The following RPS6KB1 variants were observed in gnomAD, a reference collection of about 807,000 sequenced individuals.
RPS6KB1 encodes the protein ribosomal protein S6 kinase beta-1.
A neutral mutation model predicts 70.2 loss-of-function variants in RPS6KB1; 12 were observed. The ratio of observed to expected loss-of-function variants is 0.17; its 90% CI spans 0.11 to 0.28. RPS6KB1 has a LOEUF of 0.28. Ranked by LOEUF, RPS6KB1 falls within the 10% of genes least tolerant of loss-of-function variation. RPS6KB1 has a pLI of 1.00. For missense variants in RPS6KB1, 270 were observed against 646.6 expected, an observed-to-expected ratio of 0.42 and a Z score of 6.32; for synonymous variants, 175 against 211.2, an observed-to-expected ratio of 0.83 and a Z score of 1.49.
In RPS6KB1 at chr17:59,893,659, CG is replaced by C; in HGVS notation, c.141+339del. 1 of 513,082 alleles carries C rather than the reference CG, an allele frequency of 1.9e-6. No homozygotes were observed. The highest frequency in any genetic ancestry group is 2.7e-6 in the Non-Finnish European group (1 of 367,872). The allele number at this position is 513,082 out of a possible 1,614,324, so 31.8% of individuals were successfully genotyped here. On this transcript the variant is annotated intron_variant, in intron 1 of 14. Transcript: ENST00000225577. The surrounding 1 kb of genome is among the most constrained non-coding windows in gnomAD (Gnocchi z 4.1). ...GTGGCGTGAGCGTGTGTTGGGGAGA[CG>C]GGGGCTGCTCTTGCTGGGTGTCCCG... is the stretch of plus-strand genomic sequence containing the variant.
At chr17:59,941,459 T>G (rs1373239290) in intron 13 of RPS6KB1, among the ~76,000 whole-genome samples, 1 of 152,012 alleles carries the variant, frequency 6.6e-6, no homozygotes, top group Non-Finnish European at 1.5e-5. Flanking sequence ...TGAGTACCTG[T>G]ACCACAGGTG....
chr17:59,936,166 A>AC, intron 10 of RPS6KB1, 49 bp from the exon 11 acceptor site: 2 of 1,542,552 alleles, frequency 1.3e-6, no homozygotes, highest in Non-Finnish European at 8.8e-7. Flanking sequence ...GAAAAAAAAA[A>AC]ATCAGTTTGA....
At chr17:59,897,565 G>A (rs1289445863) in intron 1 of RPS6KB1, among the ~76,000 whole-genome samples, 4 of 152,168 alleles carry the variant, frequency 2.6e-5, no homozygotes, top group Admixed American at 6.6e-5. Flanking sequence ...GTGACTATGC[G>A]TTAGTAAATA....
chr17:59,934,874 C>G lies in RPS6KB1; in HGVS notation c.871-319C>G. The G allele has an allele frequency of 2.7e-6, 1 of 369,968 alleles. No homozygotes were observed. The highest frequency in any genetic ancestry group is 4.9e-6 in the Non-Finnish European group (1 of 203,850). The allele number at this position is 369,968 out of a possible 1,614,324, so 22.9% of individuals were successfully genotyped here. A position where few individuals can be genotyped will look rare whatever the true frequency, so the allele number is the denominator to read the frequency against. ...GCTTCCTTCCAGGACACTGCTACTTCCTCTGTCCTGTTGCTTAAAAACTGC... is the reference window on the plus strand; with the variant it reads ...GCTTCCTTCCAGGACACTGCTACTTGCTCTGTCCTGTTGCTTAAAAACTGC... On this transcript the variant is annotated intron_variant, in intron 9 of 14. Transcript: ENST00000225577. This position sits in a 1 kb window ranked among gnomAD's most constrained non-coding sequence, Gnocchi z 4.8.
At position 59,926,454 on chromosome 17, in the gene RPS6KB1, C is replaced by A. The variant is rs747867363; in HGVS notation, c.401C>A (p.Ala134Asp). 1 of 1,607,018 alleles carries A rather than the reference C, an allele frequency of 6.2e-7. No homozygotes were observed. Among genetic ancestry groups the A allele is most frequent in the South Asian group, 1.1e-5 (1 of 90,192 alleles). Residue 134 changes from alanine to aspartate, a missense_variant, in exon 5 of 15, where the codon GCT (alanine) becomes GAT (aspartate). Ala to Asp is a moderately radical substitution (Grantham distance 126, BLOSUM62 -2). This residue lies in a region of RPS6KB1 where 44 missense variants were observed against 102.5 expected (regional missense o/e 0.43). Coordinates refer to ENST00000225577, the MANE Select transcript of RPS6KB1 (RefSeq NM_003161.4). ...CTTTAGGCAATGATAGTAAGAAATGCTAAAGATACAGCTCATACAAAAGCA... is the reference window on the plus strand; with the variant it reads ...CTTTAGGCAATGATAGTAAGAAATGATAAAGATACAGCTCATACAAAAGCA... ...VLKKAMIVRN[A>D]KDTAHTKAER... is the part of the protein sequence containing the mutation.
At chr17:59,936,340 G>T in intron 11 of RPS6KB1, 63 bp downstream of exon 11, 1 of 1,515,224 alleles carries the variant, frequency 6.6e-7, no homozygotes, top group East Asian at 2.3e-5. Flanking sequence ...TATTTCTGAG[G>T]GTTATATGTA....
At chr17:59,917,373 C>T (rs1341407534) in intron 4 of RPS6KB1, among the ~76,000 whole-genome samples, 1 of 152,144 alleles carries the variant, frequency 6.6e-6, no homozygotes, top group African/African-American at 2.4e-5. Context: ...GCCTCGGCCA[C>T]CCAAAGTGCT....
At chr17:59,938,186 G>C (rs1353468186) in intron 12 of RPS6KB1, among the ~76,000 whole-genome samples, 11 of 134,766 alleles carry the variant, frequency 8.2e-5, no homozygotes, top group African/African-American at 2.4e-4. Context: ...TTTTTTTTTG[G>C]GGGGGGGATA....
Position 59,947,889 on chromosome 17 carries a change from T to C in RPS6KB1, c.*1101T>C. 2.8e-6 allele frequency: 1 copy of C among 361,970 alleles called. No individual in the cohort carries two copies. The allele number at this position is 361,970 out of a possible 1,614,324, so 22.4% of individuals were successfully genotyped here. A position where few individuals can be genotyped will look rare whatever the true frequency, so the allele number is the denominator to read the frequency against. On this transcript the variant is annotated 3_prime_UTR_variant, in exon 15 of 15. Transcript: ENST00000225577. ...CTCTTTACAGCAAATTGGTAAGATT[T>C]TCAGTTTTACTTCTTTCTACTGTTT...
At chr17:59,904,995 G>T (rs937311744) in intron 1 of RPS6KB1, among the ~76,000 whole-genome samples, 1 of 151,756 alleles carries the variant, frequency 6.6e-6, no homozygotes, top group African/African-American at 2.4e-5. Context: ...GCGCCTGGCT[G>T]CATTCCTTGC....
intron 4 of RPS6KB1, among the ~76,000 whole-genome samples, chr17:59,915,780 T>TTTTTATTTA: frequency 8.5e-6 from 1 of 117,760 alleles, no homozygotes; most frequent in Non-Finnish European, 1.8e-5. Flanking sequence ...GCTATCTTTT[T>TTTTTATTTA]TTTTTTTTTT....
intron 4 of RPS6KB1, among the ~76,000 whole-genome samples, chr17:59,916,223 C>T (rs532474217): frequency 2.1e-4 from 32 of 152,142 alleles, no homozygotes; most frequent in Non-Finnish European, 3.8e-4. Context: ...GCTTCAGCTT[C>T]CTGAGTGTCT....
At position 59,914,664 on chromosome 17, in the gene RPS6KB1, A is replaced by G; in HGVS notation, c.342A>G (p.Ala114=). 6.2e-7 allele frequency: 1 copy of G among 1,613,070 alleles called. No individual in the cohort carries two copies. Among genetic ancestry groups the G allele is most frequent in the East Asian group, 2.2e-5 (1 of 44,842 alleles). ...TTCAAGTACGAAAAGTAACAGGAGCAAATACTGGGAAAATATTTGCCATGA... is the reference window on the plus strand; with the variant it reads ...TTCAAGTACGAAAAGTAACAGGAGCGAATACTGGGAAAATATTTGCCATGA... The part of the protein sequence containing the change: ...KVFQVRKVTG[A]NTGKIFAMKV... The change falls in exon 4 of 15, where the codon GCA becomes GCG. Residue 114 remains alanine (A), a synonymous_variant. Coordinates refer to ENST00000225577, the MANE Select transcript of RPS6KB1 (RefSeq NM_003161.4).
intron 4 of RPS6KB1, among the ~76,000 whole-genome samples, chr17:59,925,558 AG>A (rs2043557219): frequency 6.6e-6 from 1 of 151,822 alleles, no homozygotes; most frequent in Admixed American, 6.6e-5. Context: ...CCTCCTAACT[AG>A]TCTCATTTCT....
intron 12 of RPS6KB1, among the ~76,000 whole-genome samples, chr17:59,938,865 C>CT (rs1212686268): frequency 2.0e-5 from 3 of 152,046 alleles, no homozygotes; most frequent in African/African-American, 7.2e-5. Context: ...CTATAGGTAC[C>CT]TTCAGGAGTA....
At chr17:59,912,516 C>T (rs2042709778) in intron 2 of RPS6KB1, 168 bp from the exon 3 acceptor site, 1 of 574,634 alleles carries the variant, frequency 1.7e-6, no homozygotes, top group African/African-American at 1.9e-5. Flanking sequence ...AGGCCACCCT[C>T]CTCTTGACCT....
intron 1 of RPS6KB1, among the ~76,000 whole-genome samples, chr17:59,902,259 C>T (rs957744955): frequency 2.6e-5 from 4 of 151,684 alleles, no homozygotes; most frequent in Admixed American, 2.0e-4. Flanking sequence ...TGTGCGCCAC[C>T]ACACCTGGCT....
intron 1 of RPS6KB1, among the ~76,000 whole-genome samples, chr17:59,904,453 G>T (rs945386522): frequency 6.6e-6 from 1 of 151,574 alleles, no homozygotes; most frequent in Non-Finnish European, 1.5e-5. Flanking sequence ...GAGTGCAGTG[G>T]CGCCATCTCT....
intron 1 of RPS6KB1, among the ~76,000 whole-genome samples, chr17:59,909,337 G>A (rs1219409425): frequency 3.0e-4 from 39 of 132,114 alleles, no homozygotes; most frequent in East Asian, 2.4e-4. Context: ...GCGTGATCTC[G>A]GCTCACCGCA....
Sources: gnomAD v4.1 joint callset for allele counts (sites outside exome capture counted in the v4.1 genomes callset) on GRCh38, gnomAD v4.1.1 for gene constraint, gnomAD v4.1.1 regional missense constraint, Gnocchi (gnomAD v3.1) non-coding constraint, MANE v1.5 for transcripts, NCBI Gene and HGNC (gene_info 2026-07-23, HGNC 2026-07-21) for gene names.